ANKRD11: variants seen among roughly 807,000 people sequenced by gnomAD.
The protein encoded by ANKRD11 is ankyrin repeat domain-containing protein 11.
ANKRD11 carries 17 observed loss-of-function variants against 195.7 expected under a neutral mutation model. The ratio of observed to expected loss-of-function variants is 0.09; its 90% confidence interval spans 0.06 to 0.13. The LOEUF is 0.13. ANKRD11 is among the 10% of genes least tolerant of loss of function. The pLI is 1.00. For synonymous variants in ANKRD11, 1,953 were observed against 1,528.1 expected, an observed-to-expected ratio of 1.28 and a Z score of -6.49; for missense variants, 3,735 against 3,566.1, an observed-to-expected ratio of 1.05 and a Z score of -1.21.
intron 1 of ANKRD11, among the ~76,000 whole-genome samples, chr16:89,471,144 G>A (rs1241802102): frequency 3.3e-5 from 5 of 152,118 alleles, no homozygotes; most frequent in African/African-American, 1.2e-4. Flanking sequence ...TTTGAGCTCA[G>A]AAGCTGGAGA....
At chr16:89,401,778 T>C (rs2041696973) in intron 2 of ANKRD11, among the ~76,000 whole-genome samples, 2 of 152,144 alleles carry the variant, frequency 1.3e-5, no homozygotes, top group Admixed American at 1.3e-4. Flanking sequence ...GACACTGAGC[T>C]GTGCACGCAG....
chr16:89,303,189 C>A (rs892787448), intron 4 of ANKRD11, among the ~76,000 whole-genome samples: 2 of 152,256 alleles, frequency 1.3e-5, no homozygotes, highest in African/African-American at 4.8e-5. Context: ...CTTTCAGCAA[C>A]ACCTCCAGAG....
intron 2 of ANKRD11, among the ~76,000 whole-genome samples, chr16:89,371,751 C>T (rs2152081872): frequency 6.6e-6 from 1 of 152,258 alleles, no homozygotes; most frequent in East Asian, 1.9e-4. Flanking sequence ...CTCCTGCACC[C>T]CCTCAGGATG....
chr16:89,271,649 G>A (rs2033164400), intron 11 of ANKRD11: 1 of 154,354 alleles, frequency 6.5e-6, no homozygotes, highest in Non-Finnish European at 1.4e-5. Flanking sequence ...CACAGGGAAA[G>A]GACAGTCTCT....
chr16:89,408,734 C>T (rs796722035), intron 2 of ANKRD11, among the ~76,000 whole-genome samples: 2 of 152,176 alleles, frequency 1.3e-5, no homozygotes, highest in African/African-American at 4.8e-5. Flanking sequence ...CTCACTCACT[C>T]ACTTCACTGA....
chr16:89,454,053 A>C (rs578066839), intron 1 of ANKRD11, among the ~76,000 whole-genome samples: 1 of 152,192 alleles, frequency 6.6e-6, no homozygotes, highest in African/African-American at 2.4e-5. Flanking sequence ...CATGTTTCAC[A>C]ATAATCCTTC....
Position 89,292,785 on chromosome 16 carries a change from C to G in ANKRD11, c.227-1602G>C, listed in dbSNP as rs895346010. On this transcript the variant is annotated intron_variant, in intron 4 of 12. Transcript: ENST00000301030. The stretch of plus-strand genomic sequence containing the variant: ...TCGCCACCGGCCAATGAGCCCCAGC[C>G]TACAGCCATCATTGGCGTAGCCACA... Among the ~76,000 whole-genome samples the G allele has an allele frequency of 5.9e-5, 9 of 152,388 alleles. No homozygotes were observed. In the East Asian group the frequency reaches 1.5e-3, roughly 26 times the overall value.
At chr16:89,467,804 TTTTG>T (rs1261557336) in intron 1 of ANKRD11, among the ~76,000 whole-genome samples, 3 of 152,116 alleles carry the variant, frequency 2.0e-5, no homozygotes, top group African/African-American at 4.8e-5. Context: ...CAGTGTTTTG[TTTTG>T]TTTGTTTGTT....
intron 2 of ANKRD11, among the ~76,000 whole-genome samples, chr16:89,379,354 T>A (rs1398694865): frequency 6.6e-6 from 1 of 152,234 alleles, no homozygotes; most frequent in African/African-American, 2.4e-5. Context: ...TCAAATCAAG[T>A]GTTACCAGTG....
At chr16:89,390,611 A>G (rs2041148627) in intron 2 of ANKRD11, among the ~76,000 whole-genome samples, 1 of 152,210 alleles carries the variant, frequency 6.6e-6, no homozygotes, top group Non-Finnish European at 1.5e-5. Flanking sequence ...AGAGGTGAAA[A>G]GAAAATCTTA....
intron 2 of ANKRD11, among the ~76,000 whole-genome samples, chr16:89,377,639 A>G (rs1253197336): frequency 1.3e-5 from 2 of 152,178 alleles, no homozygotes; most frequent in African/African-American, 4.8e-5. Flanking sequence ...CAGAAAACAA[A>G]GTGACATCAG....
intron 2 of ANKRD11, among the ~76,000 whole-genome samples, chr16:89,388,803 C>T (rs1040700707): frequency 1.3e-5 from 2 of 152,158 alleles, no homozygotes; most frequent in Non-Finnish European, 2.9e-5. Flanking sequence ...GAAGAAGGTT[C>T]TGGAAGGCAC....
chr16:89,407,739 A>G (rs2041964460), intron 2 of ANKRD11, among the ~76,000 whole-genome samples: 1 of 151,722 alleles, frequency 6.6e-6, no homozygotes, highest in Non-Finnish European at 1.5e-5. Context: ...AGTCCCAGCT[A>G]CTTGAGAGGC....
intron 4 of ANKRD11, among the ~76,000 whole-genome samples, chr16:89,292,802 G>A (rs906978735): frequency 6.6e-6 from 1 of 152,264 alleles, no homozygotes; most frequent in Non-Finnish European, 1.5e-5. Flanking sequence ...CATCATTGGC[G>A]TAGCCACACC....
intron 2 of ANKRD11, among the ~76,000 whole-genome samples, chr16:89,373,743 C>T (rs1442685417): frequency 5.3e-5 from 8 of 152,250 alleles, no homozygotes; most frequent in Admixed American, 4.6e-4. Flanking sequence ...ATGCACACGA[C>T]ACCCCTCCCA....
At chr16:89,391,368 A>G (rs1468710447) in intron 2 of ANKRD11, among the ~76,000 whole-genome samples, 2 of 152,134 alleles carry the variant, frequency 1.3e-5, no homozygotes, top group African/African-American at 4.8e-5. Flanking sequence ...TGCGGGACTC[A>G]GTCCTCTCCC....
chr16:89,296,156 A>C (rs1042881655), intron 4 of ANKRD11, among the ~76,000 whole-genome samples: 1 of 151,592 alleles, frequency 6.6e-6, no homozygotes, highest in African/African-American at 2.4e-5. Flanking sequence ...GGCTGCTTTT[A>C]ACATCCTCCC....
intron 4 of ANKRD11, chr16:89,297,915 T>A (rs1357469991): frequency 2.6e-5 from 4 of 152,282 alleles, no homozygotes; most frequent in Non-Finnish European, 2.9e-5. Flanking sequence ...CTCTTACGCC[T>A]TTCAGCTTTG....
At chr16:89,303,066 C>A (rs1160597433) in intron 4 of ANKRD11, among the ~76,000 whole-genome samples, 3 of 152,228 alleles carry the variant, frequency 2.0e-5, no homozygotes, top group Admixed American at 6.5e-5. Flanking sequence ...ACGGCCACCA[C>A]AAAGAGACCT....
Sources: allele counts gnomAD v4.1 joint callset (sites outside exome capture counted in the v4.1 genomes callset), GRCh38; gene constraint gnomAD v4.1.1; transcripts MANE v1.5; gene names NCBI Gene and HGNC (gene_info 2026-07-23, HGNC 2026-07-21).